Variants in TMC5 observed in about 807,000 individuals in gnomAD.
TMC5 encodes transmembrane channel-like protein 5.
TMC5 carries 86 observed loss-of-function variants against 110.5 expected under a neutral mutation model. The observed-to-expected ratio is 0.78, with a 90% CI of 0.65 to 0.93. TMC5 has a LOEUF of 0.93. Among genes scored for constraint, TMC5 ranks in the 40% least tolerant of loss-of-function variants. TMC5 has a pLI of 0.00. For synonymous variants in TMC5, 455 were observed against 439.5 expected (o/e 1.04, Z -0.44); for missense variants, 1,144 against 1,222.8 (o/e 0.94, Z 0.96).
intron 5 of TMC5, chr16:19,456,740 A>T (rs766333448): frequency 6.2e-7 from 1 of 1,613,158 alleles, no homozygotes; most frequent in Non-Finnish European, 8.5e-7. Flanking sequence ...TGAAATCATC[A>T]TACAGGTTGA....
chr16:19,460,329 C>T lies in TMC5; in HGVS notation c.1143C>T (p.Asn381=), dbSNP rs913419336. 2 of 1,610,752 alleles carry T rather than the reference C, an allele frequency of 1.2e-6. No homozygotes were observed. Among genetic ancestry groups the T allele is most frequent in the Non-Finnish European group, 1.7e-6 (2 of 1,177,402 alleles). Residue 381 remains asparagine (N), a synonymous_variant, in exon 6 of 22, where the codon AAC becomes AAT. Coordinates refer to ENST00000542583, the MANE Select transcript of TMC5 (RefSeq NM_001261841.2). ...CAAGGACCATGGAAGAGAAAAGGAA[C>T]CTTAGGTATGGACTAAAGGCTTTTC... ...NQPRTMEEKR[N]LRKIVDKEKS...
At chr16:19,442,667 A>G (rs1287514973) in intron 3 of TMC5, among the ~76,000 whole-genome samples, 1 of 152,218 alleles carries the variant, frequency 6.6e-6, no homozygotes. Flanking sequence ...TGGTTTAATC[A>G]GTAACAATGT....
chr16:19,435,575 A>AT (rs1239548140), intron 2 of TMC5, among the ~76,000 whole-genome samples: 2 of 147,308 alleles, frequency 1.4e-5, no homozygotes, highest in African/African-American at 5.0e-5. Context: ...AACCTGATGG[A>AT]TTTTTACATA....
intron 4 of TMC5, among the ~76,000 whole-genome samples, chr16:19,448,251 T>C (rs1275441576): frequency 6.6e-6 from 1 of 151,934 alleles, no homozygotes; most frequent in Non-Finnish European, 1.5e-5. Context: ...TTTTCAGTTC[T>C]ATATGTATAG....
intron 15 of TMC5, 40 bp from the exon 16 acceptor site, chr16:19,486,905 T>C: frequency 6.3e-7 from 1 of 1,579,652 alleles, no homozygotes; most frequent in South Asian, 1.1e-5. Context: ...ACTCCTTGTG[T>C]CTCCGCCAGC....
intron 2 of TMC5, among the ~76,000 whole-genome samples, chr16:19,436,542 G>C (rs1967354291): frequency 6.6e-6 from 1 of 152,152 alleles, no homozygotes; most frequent in Non-Finnish European, 1.5e-5. Context: ...AAAGTAATTT[G>C]CAATGAAGCA....
intron 15 of TMC5, among the ~76,000 whole-genome samples, chr16:19,483,908 C>T (rs1230317863): frequency 6.6e-6 from 1 of 152,116 alleles, no homozygotes; most frequent in African/African-American, 2.4e-5. Context: ...AAAAACCCAT[C>T]TCTACTAAAA....
intron 4 of TMC5, among the ~76,000 whole-genome samples, chr16:19,444,865 C>T (rs1318853590): frequency 6.6e-6 from 1 of 152,244 alleles, no homozygotes; most frequent in African/African-American, 2.4e-5. Flanking sequence ...GGTGTGGTGG[C>T]TCACGCCTGT....
chr16:19,496,173 T>A (rs1015770698), intron 20 of TMC5, among the ~76,000 whole-genome samples: 5 of 135,892 alleles, frequency 3.7e-5, no homozygotes. Flanking sequence ...AAAAAAAAAA[T>A]TAAAAAGTTA....
intron 1 of TMC5, among the ~76,000 whole-genome samples, chr16:19,422,230 C>CA (rs752152517): frequency 0.068 from 7,572 of 111,558 alleles, 288 homozygotes; most frequent in African/African-American, 0.13. Flanking sequence ...GACTCCATTT[C>CA]AAAAAAAAAA....
chr16:19,443,928 G>A (rs1024799250), intron 3 of TMC5, among the ~76,000 whole-genome samples, 153 bp from the exon 4 acceptor site: 2 of 151,624 alleles, frequency 1.3e-5, no homozygotes, highest in Admixed American at 1.3e-4. Context: ...TGAATGGATG[G>A]ATACATGGAT....
intron 5 of TMC5, among the ~76,000 whole-genome samples, chr16:19,457,714 T>A (rs1007334385): frequency 1.5e-4 from 11 of 72,860 alleles, no homozygotes; most frequent in Non-Finnish European, 2.5e-4. Flanking sequence ...ACATTCTTTT[T>A]TTTTTTTTTT....
intron 17 of TMC5, among the ~76,000 whole-genome samples, chr16:19,488,547 T>A (rs1311585006): frequency 2.0e-5 from 3 of 150,454 alleles, no homozygotes; most frequent in Admixed American, 6.6e-5. Context: ...ACCCCATTCC[T>A]GGAAGCCAGC....
chr16:19,484,587 C>A (rs1363452002), intron 15 of TMC5, among the ~76,000 whole-genome samples: 2 of 151,986 alleles, frequency 1.3e-5, no homozygotes, highest in African/African-American at 4.8e-5. Flanking sequence ...CATGGTGAAA[C>A]CCTGACTCTA....
chr16:19,457,709 C>CTTT (rs573979829), intron 5 of TMC5, among the ~76,000 whole-genome samples: 762 of 43,862 alleles, frequency 0.017, 263 homozygotes, highest in Non-Finnish European at 0.033. Context: ...AGACTACATT[C>CTTT]TTTTTTTTTT....
intron 14 of TMC5, among the ~76,000 whole-genome samples, chr16:19,480,389 A>T (rs1968588696): frequency 6.6e-6 from 1 of 152,148 alleles, no homozygotes; most frequent in African/African-American, 2.4e-5. Flanking sequence ...AAGCTGCTCT[A>T]GTAATAAGAT....
At chr16:19,494,455 G>C (rs1236712026) in intron 20 of TMC5, 89 bp downstream of exon 20, 4 of 842,756 alleles carry the variant, frequency 4.7e-6, no homozygotes, top group Non-Finnish European at 7.8e-6. Context: ...CCAAGCTCTT[G>C]GGATCATGGA....
At chr16:19,465,045 TTC>T (rs144602881) in intron 8 of TMC5, among the ~76,000 whole-genome samples, 10 of 108,084 alleles carry the variant, frequency 9.3e-5, no homozygotes, top group African/African-American at 4.3e-4. Context: ...CTTTCTTTCT[TTC>T]TTTCTTTCTT....
chr16:19,497,151 G>A lies in TMC5; in HGVS notation c.2962G>A (p.Asp988Asn). 1.2e-6 allele frequency: 2 copies of A among 1,614,032 alleles called. No homozygotes were observed. The highest frequency in any genetic ancestry group is 1.7e-6 in the Non-Finnish European group (2 of 1,179,968). The stretch of plus-strand genomic sequence containing the variant: ...AGGCTTTTTGCATTTGGGGGAACAT[G>A]ATGGCAGTCTTGGTGAGTAATTAAA... ...QQGFLHLGEH[D>N]GSLDLRSRRS... Residue 988 changes from aspartate (D) to asparagine (N), a missense_variant, in exon 21 of 22, where the codon GAT becomes AAT. Coordinates refer to ENST00000542583, the MANE Select transcript of TMC5 (RefSeq NM_001261841.2).
Sources: allele counts gnomAD v4.1 joint callset (sites outside exome capture counted in the v4.1 genomes callset), GRCh38; gene constraint gnomAD v4.1.1; transcripts MANE v1.5; gene names NCBI Gene and HGNC (gene_info 2026-07-23, HGNC 2026-07-21).